LRBA: variants seen among roughly 807,000 people sequenced by gnomAD.
LRBA encodes lipopolysaccharide-responsive and beige-like anchor protein.
A neutral mutation model predicts 330.0 loss-of-function variants in LRBA; 176 were observed. That is an observed-to-expected ratio of 0.53 (90% CI 0.47 to 0.60). LRBA has a LOEUF of 0.60. LRBA is among the 20% of genes least tolerant of loss of function. The pLI is 0.00. For synonymous variants in LRBA, 1,230 were observed against 1,193.0 expected (o/e 1.03, Z -0.64); for missense variants, 3,259 against 3,444.8 (o/e 0.95, Z 1.35).
At chr4:150,980,502 G>C (rs1740711718) in intron 2 of LRBA, among the ~76,000 whole-genome samples, 1 of 152,192 alleles carries the variant, frequency 6.6e-6, no homozygotes, top group African/African-American at 2.4e-5. Context: ...AAGAAATAAA[G>C]AGTGGTGGCA....
chr4:150,614,221 T>C (rs1169570920), intron 37 of LRBA, among the ~76,000 whole-genome samples: 1 of 152,176 alleles, frequency 6.6e-6, no homozygotes, highest in Non-Finnish European at 1.5e-5. Flanking sequence ...ACAGTTCAAC[T>C]CTCCCAGCTC....
chr4:150,464,150 A>C (rs968149099), intron 44 of LRBA, among the ~76,000 whole-genome samples: 5 of 152,056 alleles, frequency 3.3e-5, no homozygotes, highest in African/African-American at 1.2e-4. Context: ...ACTCATCTAA[A>C]GCACAAAAAA....
chr4:150,738,638 T>C (rs1187192406), intron 35 of LRBA, among the ~76,000 whole-genome samples: 2 of 152,148 alleles, frequency 1.3e-5, no homozygotes, highest in African/African-American at 2.4e-5. Flanking sequence ...CTAAAATATA[T>C]AACCACAGCA....
intron 47 of LRBA, among the ~76,000 whole-genome samples, chr4:150,371,303 C>G (rs1158360731): frequency 6.7e-6 from 1 of 148,924 alleles, no homozygotes; most frequent in Non-Finnish European, 1.5e-5. Flanking sequence ...AGCGATTCTC[C>G]TGACTCAGCC....
At chr4:150,322,632 A>G (rs1732673491) in intron 49 of LRBA, among the ~76,000 whole-genome samples, 1 of 152,220 alleles carries the variant, frequency 6.6e-6, no homozygotes, top group Non-Finnish European at 1.5e-5. Context: ...GAGTACTTAG[A>G]AAAACATATT....
intron 36 of LRBA, among the ~76,000 whole-genome samples, chr4:150,704,398 T>A (rs1785412533): frequency 6.6e-6 from 1 of 151,904 alleles, no homozygotes; most frequent in Admixed American, 6.6e-5. Context: ...TTTACTGTTA[T>A]ATTTTTCTTC....
chr4:150,710,463 A>G (rs1786072540), intron 36 of LRBA, among the ~76,000 whole-genome samples: 1 of 152,134 alleles, frequency 6.6e-6, no homozygotes, highest in African/African-American at 2.4e-5. Flanking sequence ...GACAAAAATC[A>G]GAAAGTTTTA....
At chr4:150,742,447 A>C (rs1732138950) in intron 35 of LRBA, among the ~76,000 whole-genome samples, 1 of 152,044 alleles carries the variant, frequency 6.6e-6, no homozygotes, top group African/African-American at 2.4e-5. Context: ...CATGGCCTGC[A>C]AGGATTATTT....
intron 34 of LRBA, among the ~76,000 whole-genome samples, chr4:150,791,571 G>C (rs747901183): frequency 6.6e-6 from 1 of 152,136 alleles, no homozygotes; most frequent in Non-Finnish European, 1.5e-5. Context: ...GGGCAAGGCA[G>C]ATATATTCAC....
Position 150,849,529 on chromosome 4 carries a change from C to A in LRBA, c.4051G>T (p.Val1351Phe). 2 of 1,613,210 alleles carry A rather than the reference C, an allele frequency of 1.2e-6. No individual in the cohort carries two copies. Among genetic ancestry groups the A allele is most frequent in the Non-Finnish European group, 8.5e-7 (1 of 1,179,176 alleles). Residue 1351 changes from valine to phenylalanine, a missense_variant, in exon 25 of 57, where the codon GTC becomes TTC. Physicochemically the swap from Val to Phe is conservative, Grantham distance 50. Transcript: ENST00000651943. Reference sequence around the variant, plus strand: ...TGAATTGTGTTGTGTACAAAGATGACATTATCACTGCTATTCACGAAGTCC... The same window carrying A: ...TGAATTGTGTTGTGTACAAAGATGAAATTATCACTGCTATTCACGAAGTCC... The part of the protein sequence containing the change: ...VMDFVNSSDN[V>F]IFVHNTIHLI...
chr4:150,896,081 C>T (rs1487539750), intron 16 of LRBA, among the ~76,000 whole-genome samples: 2 of 152,074 alleles, frequency 1.3e-5, no homozygotes, highest in African/African-American at 2.4e-5. Flanking sequence ...TAGTCATTTT[C>T]GTAATCTATT....
intron 48 of LRBA, among the ~76,000 whole-genome samples, chr4:150,344,866 T>C (rs1167381862): frequency 1.3e-5 from 2 of 152,198 alleles, no homozygotes; most frequent in Non-Finnish European, 2.9e-5. Context: ...TTATGTTTTA[T>C]GGTATTGAAG....
chr4:150,676,117 A>AT (rs549696964), intron 37 of LRBA, among the ~76,000 whole-genome samples: 13 of 151,230 alleles, frequency 8.6e-5, no homozygotes, highest in East Asian at 5.8e-4. Context: ...TTATGATCTT[A>AT]TTTTTTTTTA....
rs1033122719 is a variant in LRBA at position 150,415,374 on chromosome 4, C to A, written c.7194+64G>T. The A allele has an allele frequency of 4.8e-6, 7 of 1,466,612 alleles. 1 individual carries two copies. In the African/African-American group the frequency reaches 9.8e-5, roughly 20 times the overall value. 90.8% of individuals were successfully genotyped at this position (1,466,612 alleles called of 1,614,324 possible). On this transcript the variant is annotated intron_variant, in intron 47 of 56. Transcript: ENST00000651943. Reference sequence around the variant, plus strand: ...AGAGCAAGGGTTAATGATTATACACCAACACATGAAAGATGCTTTGAGCAA... The same window carrying A: ...AGAGCAAGGGTTAATGATTATACACAAACACATGAAAGATGCTTTGAGCAA...
chr4:150,292,115 C>T (rs189966199), intron 53 of LRBA, among the ~76,000 whole-genome samples: 5 of 152,210 alleles, frequency 3.3e-5, no homozygotes, highest in Admixed American at 2.0e-4. Flanking sequence ...TTGGTGCCCT[C>T]GCAACATTAA....
At chr4:150,378,035 T>C (rs577226631) in intron 47 of LRBA, among the ~76,000 whole-genome samples, 1 of 152,226 alleles carries the variant, frequency 6.6e-6, no homozygotes, top group African/African-American at 2.4e-5. Context: ...AACCTATATT[T>C]GGTCACTTGA....
chr4:150,957,945 G>A (rs181980462), intron 2 of LRBA, among the ~76,000 whole-genome samples: 1 of 149,346 alleles, frequency 6.7e-6, no homozygotes, highest in African/African-American at 2.6e-5. Flanking sequence ...TGGCTTTGCA[G>A]GGTACAGACC....
At chr4:150,352,440 A>T (rs906838630) in intron 47 of LRBA, among the ~76,000 whole-genome samples, 2 of 152,220 alleles carry the variant, frequency 1.3e-5, no homozygotes, top group African/African-American at 4.8e-5. Context: ...ACAAAACTCT[A>T]TGCAATTCTC....
chr4:150,517,650 A>G (rs1346085775), intron 40 of LRBA, among the ~76,000 whole-genome samples: 1 of 152,222 alleles, frequency 6.6e-6, no homozygotes, highest in East Asian at 1.9e-4. Context: ...CAATGAGTAG[A>G]TTATATTTAT....
Sources: allele counts gnomAD v4.1 joint callset (sites outside exome capture counted in the v4.1 genomes callset), GRCh38; gene constraint gnomAD v4.1.1; transcripts MANE v1.5; gene names NCBI Gene and HGNC (gene_info 2026-07-23, HGNC 2026-07-21).